The following TENM3 variants were observed in gnomAD, a reference collection of about 807,000 sequenced individuals.
TENM3 encodes the protein teneurin transmembrane protein 3, also known as teneurin-3.
Under a neutral mutation model 255.1 loss-of-function variants are expected in TENM3, and 63 were observed. The ratio of observed to expected loss-of-function variants is 0.25; its 90% CI spans 0.20 to 0.30. The LOEUF is 0.30. Ranked by LOEUF, TENM3 falls within the 10% of genes least tolerant of loss-of-function variation. The pLI is 1.00. For missense variants in TENM3, 2,929 were observed against 3,461.1 expected (o/e 0.85, Z 3.86); for synonymous variants, 1,306 against 1,322.3 (o/e 0.99, Z 0.27).
chr4:182,382,634 C>T lies in TENM3; in HGVS notation c.511+35705C>T, dbSNP rs555027087. The stretch of plus-strand genomic sequence containing the variant: ...CTGTCTTCTCTCTAGGCATCAGGTC[C>T]GGGGTGCCCAGGCTGCCTCCCAGAT... On this transcript the variant is annotated intron_variant, in intron 3 of 27. Coordinates refer to ENST00000511685, the MANE Select transcript of TENM3 (RefSeq NM_001080477.4). Among the ~76,000 whole-genome samples, 19 of 152,192 alleles carry T rather than the reference C, an allele frequency of 1.2e-4. No homozygotes were observed. In the South Asian group the frequency reaches 3.1e-3, roughly 25 times the overall value.
chr4:182,553,233 T>G (rs1437808913), intron 3 of TENM3, among the ~76,000 whole-genome samples: 1 of 152,112 alleles, frequency 6.6e-6, no homozygotes, highest in Admixed American at 6.5e-5. Flanking sequence ...TAGCTGGGAC[T>G]ACAGGCAAGA....
At chr4:181,448,826 T>G in the TENM3 span, among the ~76,000 whole-genome samples, 1 of 152,196 alleles carries the variant, frequency 6.6e-6, no homozygotes, top group East Asian at 1.9e-4. Flanking sequence ...TGTGGGCATT[T>G]AAAGTTTTTT....
At chr4:181,813,776 CCT>C in the TENM3 span, among the ~76,000 whole-genome samples, 1 of 152,026 alleles carries the variant, frequency 6.6e-6, no homozygotes, top group Non-Finnish European at 1.5e-5. Flanking sequence ...ACAAAGTATT[CCT>C]CTGAGTCTCA....
At position 182,346,689 on chromosome 4, in the gene TENM3, C is replaced by T. The variant is rs775263659; in HGVS notation, c.271C>T (p.Pro91Ser). Residue 91 changes from proline to serine, a missense_variant, in exon 3 of 28, where the codon CCA becomes TCA. Transcript: ENST00000511685. ...CCTAAGGCAGTTAGGAGTTTGTGAA[C>T]CAGCAACTCGAAGAGGACTGGCATT... ...FTLRQLGVCE[P>S]ATRRGLAFCA... 3.1e-6 allele frequency: 5 copies of T among 1,613,754 alleles called. No homozygotes were observed. Among genetic ancestry groups the T allele is most frequent in the Non-Finnish European group, 3.4e-6 (4 of 1,179,830 alleles).
At chr4:182,776,521 G>A (rs1257844755) in intron 24 of TENM3, among the ~76,000 whole-genome samples, 1 of 152,174 alleles carries the variant, frequency 6.6e-6, no homozygotes, top group Non-Finnish European at 1.5e-5. Flanking sequence ...TTGCTGGATA[G>A]TAAAATTTCA....
At chr4:181,934,155 T>G in the TENM3 span, among the ~76,000 whole-genome samples, 4 of 152,034 alleles carry the variant, frequency 2.6e-5, no homozygotes, top group Non-Finnish European at 5.9e-5. Context: ...AAGAGTTTAA[T>G]GGACCTGATA....
intron 3 of TENM3, among the ~76,000 whole-genome samples, chr4:182,487,098 C>T (rs559952825): frequency 1.8e-4 from 28 of 152,158 alleles, no homozygotes; most frequent in East Asian, 7.7e-4. Context: ...TCCTTTAACC[C>T]GCTAATTCTT....
At chr4:182,734,382 A>G (rs919413549) in intron 16 of TENM3, among the ~76,000 whole-genome samples, 1 of 152,222 alleles carries the variant, frequency 6.6e-6, no homozygotes, top group African/African-American at 2.4e-5. Flanking sequence ...GTGATGCGGA[A>G]CCAAGACCCC....
intron 1 of TENM3, among the ~76,000 whole-genome samples, chr4:182,254,761 T>C (rs1290031959): frequency 6.6e-6 from 1 of 152,182 alleles, no homozygotes; most frequent in Admixed American, 6.5e-5. Flanking sequence ...GTGTGATATG[T>C]CCTCAGTTTC....
the TENM3 span, among the ~76,000 whole-genome samples, chr4:181,698,773 A>G: frequency 2.6e-5 from 4 of 152,194 alleles, no homozygotes; most frequent in Non-Finnish European, 5.9e-5. Flanking sequence ...GATTCTAGAC[A>G]TTATCTATAT....
intron 19 of TENM3, among the ~76,000 whole-genome samples, chr4:182,744,401 T>A (rs1761855768): frequency 6.6e-6 from 1 of 152,132 alleles, no homozygotes; most frequent in Non-Finnish European, 1.5e-5. Context: ...TAAATTTCAT[T>A]ACAAAAAAGT....
At chr4:182,603,143 G>T (rs1446003122) in intron 4 of TENM3, among the ~76,000 whole-genome samples, 1 of 152,108 alleles carries the variant, frequency 6.6e-6, no homozygotes, top group African/African-American at 2.4e-5. Flanking sequence ...AAAGTAGTTG[G>T]TTAGAAGAAA....
chr4:182,386,898 C>T (rs1269506700), intron 3 of TENM3, among the ~76,000 whole-genome samples: 1 of 152,230 alleles, frequency 6.6e-6, no homozygotes, highest in Admixed American at 6.5e-5. Context: ...TTCCACGGCG[C>T]CCAGTCCCAT....
At chr4:182,144,253 G>T, upstream of TENM3, 1 of 150,734 alleles carries the variant, frequency 6.6e-6, no homozygotes, top group South Asian at 2.1e-4. Flanking sequence ...CCCGGGCTCG[G>T]GCACACTCGG....
the TENM3 span, among the ~76,000 whole-genome samples, chr4:181,818,547 G>A: frequency 6.6e-6 from 1 of 151,110 alleles, no homozygotes; most frequent in African/African-American, 2.4e-5. Flanking sequence ...TGCGGTACAT[G>A]TGCAGGATGT....
chr4:181,742,923 G>A, the TENM3 span, among the ~76,000 whole-genome samples: 4 of 149,972 alleles, frequency 2.7e-5, no homozygotes, highest in South Asian at 2.1e-4. Flanking sequence ...GAGAATATGC[G>A]GTGTTTGGTT....
intron 3 of TENM3, among the ~76,000 whole-genome samples, chr4:182,531,589 C>T (rs1739782951): frequency 6.6e-6 from 1 of 152,122 alleles, no homozygotes; most frequent in Admixed American, 6.5e-5. Context: ...ACAGCAAAGT[C>T]AGCAAAAGGA....
intron 3 of TENM3, among the ~76,000 whole-genome samples, chr4:182,412,778 TCG>T (rs1400330627): frequency 1.3e-5 from 2 of 151,002 alleles, no homozygotes; most frequent in Admixed American, 6.6e-5. Flanking sequence ...GGCAGGAGAA[TCG>T]CTTGAACCTG....
At chr4:182,119,219 A>G in the TENM3 span, among the ~76,000 whole-genome samples, 2 of 152,186 alleles carry the variant, frequency 1.3e-5, no homozygotes, top group Non-Finnish European at 2.9e-5. Context: ...CTGAGGGCGG[A>G]ACTTGTTAAG....
Sources: allele counts gnomAD v4.1 joint callset (sites outside exome capture counted in the v4.1 genomes callset), GRCh38; gene constraint gnomAD v4.1.1; transcripts MANE v1.5; gene names NCBI Gene and HGNC (gene_info 2026-07-23, HGNC 2026-07-21).